The following DCC variants were observed in gnomAD, a reference collection of about 807,000 sequenced individuals.
The protein encoded by DCC is DCC netrin 1 receptor.
In DCC, 58 loss-of-function variants were observed where a neutral mutation model predicts 172.5. The observed-to-expected ratio is 0.34, with a 90% CI of 0.27 to 0.42. DCC has a LOEUF of 0.42. DCC is among the 10% of genes least tolerant of loss of function. The pLI is 1.00. For synonymous variants in DCC, 709 were observed against 644.5 expected, an observed-to-expected ratio of 1.10 and a Z score of -1.52; for missense variants, 1,740 against 1,791.0, an observed-to-expected ratio of 0.97 and a Z score of 0.51.
intron 11 of DCC, among the ~76,000 whole-genome samples, chr18:53,212,990 A>G (rs2055782199): frequency 1.3e-5 from 2 of 152,218 alleles, no homozygotes; most frequent in Non-Finnish European, 1.5e-5. Flanking sequence ...AATTCTTAAT[A>G]CAGAAAACAG....
intron 15 of DCC, among the ~76,000 whole-genome samples, chr18:53,344,891 A>G (rs2057705737): frequency 6.6e-6 from 1 of 151,032 alleles, no homozygotes; most frequent in African/African-American, 2.4e-5. Context: ...TCTTGGAAAA[A>G]AAAAAAAAAG....
At chr18:52,623,416 G>T (rs1340087372) in intron 1 of DCC, among the ~76,000 whole-genome samples, 1 of 152,166 alleles carries the variant, frequency 6.6e-6, no homozygotes, top group East Asian at 1.9e-4. Context: ...AGCTGGAAGA[G>T]GCAGGAGCTT....
intron 7 of DCC, among the ~76,000 whole-genome samples, chr18:53,143,418 C>G (rs1447597291): frequency 1.3e-5 from 2 of 152,192 alleles, no homozygotes; most frequent in Non-Finnish European, 2.9e-5. Flanking sequence ...CTCTTACAAT[C>G]TCCAGATTTC....
At chr18:52,672,035 T>A (rs1568033345) in intron 1 of DCC, among the ~76,000 whole-genome samples, 1 of 152,164 alleles carries the variant, frequency 6.6e-6, no homozygotes, top group Non-Finnish European at 1.5e-5. Context: ...CCAGACCACT[T>A]TGGCATAACC....
chr18:52,733,818 C>T (rs1285193192), intron 1 of DCC, among the ~76,000 whole-genome samples: 11 of 151,938 alleles, frequency 7.2e-5, no homozygotes, highest in East Asian at 1.9e-4. Flanking sequence ...TTATCCACAC[C>T]GAAAGAAGTT....
At chr18:52,630,655 T>G (rs1756490183) in intron 1 of DCC, among the ~76,000 whole-genome samples, 1 of 152,170 alleles carries the variant, frequency 6.6e-6, no homozygotes, top group Non-Finnish European at 1.5e-5. Context: ...GAGATTTTTT[T>G]TTTTTTACAA....
intron 5 of DCC, among the ~76,000 whole-genome samples, chr18:52,975,767 A>G (rs1377052936): frequency 6.6e-6 from 1 of 152,194 alleles, no homozygotes; most frequent in East Asian, 1.9e-4. Flanking sequence ...ATTGATGGAC[A>G]TTTAGGTTGA....
chr18:53,221,049 A>G (rs1368477401), intron 12 of DCC, among the ~76,000 whole-genome samples: 51 of 152,274 alleles, frequency 3.3e-4, no homozygotes, highest in Non-Finnish European at 5.9e-5. Flanking sequence ...TGTTTGGTCT[A>G]TAATTTGGGT....
At chr18:53,096,496 A>C (rs1051674069) in intron 7 of DCC, among the ~76,000 whole-genome samples, 2 of 152,180 alleles carry the variant, frequency 1.3e-5, no homozygotes, top group Non-Finnish European at 2.9e-5. Flanking sequence ...TTGAATTTGC[A>C]GTTGAATGGT....
At chr18:52,796,925 C>T (rs1285281316) in intron 2 of DCC, among the ~76,000 whole-genome samples, 1 of 151,866 alleles carries the variant, frequency 6.6e-6, no homozygotes, top group African/African-American at 2.4e-5. Context: ...CCCATCTCTT[C>T]TCCTTTGGGA....
chr18:53,317,953 T>G (rs1019384835), intron 13 of DCC, among the ~76,000 whole-genome samples: 14 of 152,198 alleles, frequency 9.2e-5, no homozygotes, highest in African/African-American at 3.4e-4. Context: ...TTGATTTTTT[T>G]GAAGGGTTTT....
At chr18:52,699,889 A>T (rs1017489756) in intron 1 of DCC, among the ~76,000 whole-genome samples, 1 of 152,154 alleles carries the variant, frequency 6.6e-6, no homozygotes, top group African/African-American at 2.4e-5. Context: ...CACCCATTTA[A>T]CATGTACAAT....
chr18:52,536,287 T>G (rs527676776), intron 1 of DCC, among the ~76,000 whole-genome samples: 2 of 152,212 alleles, frequency 1.3e-5, no homozygotes, highest in African/African-American at 4.8e-5. Flanking sequence ...CAAGAACCAC[T>G]TGGTCCTGAC....
At chr18:52,467,945 T>C (rs1988835502) in intron 1 of DCC, among the ~76,000 whole-genome samples, 1 of 152,344 alleles carries the variant, frequency 6.6e-6, no homozygotes, top group South Asian at 2.1e-4. Flanking sequence ...ATTCTGGATA[T>C]TTGTCCTTTG....
At chr18:53,353,495 CCTT>C (rs1408134439) in intron 15 of DCC, among the ~76,000 whole-genome samples, 13 of 151,552 alleles carry the variant, frequency 8.6e-5, no homozygotes, top group Non-Finnish European at 1.9e-4. Flanking sequence ...GCTCTTCAGT[CCTT>C]CTTGTTATTT....
chr18:53,022,544 CGTGTGT>C lies in DCC; in HGVS notation c.986-40740_986-40735del, dbSNP rs10686492. On this transcript the variant is annotated intron_variant, in intron 5 of 28. Transcript: ENST00000442544. ...TCAGTATTTTTTATATATATATGTGCGTGTGTGTGTGTGTGTGTGTGTGTGTATCAC... is the reference window on the plus strand; with the variant it reads ...TCAGTATTTTTTATATATATATGTGCGTGTGTGTGTGTGTGTGTGTATCAC... Among the ~76,000 whole-genome samples the C allele has an allele frequency of 1.6e-4, 14 of 85,562 alleles. No individual in the cohort carries two copies. The Admixed American group carries it at 1.7e-3, about 11-fold the overall frequency. 56.1% of individuals were successfully genotyped at this position (85,562 alleles called of 152,430 possible). A position where few individuals can be genotyped will look rare whatever the true frequency, so the allele number is the denominator to read the frequency against.
rs546689382 is a variant in DCC, at chr18:52,628,169, TAGA to T, written c.92-123884_92-123882del. Among the ~76,000 whole-genome samples, 357 of 152,320 alleles carry T rather than the reference TAGA, an allele frequency of 2.3e-3. 3 individuals carry two copies. Among genetic ancestry groups the T allele is most frequent in the African/African-American group, 8.2e-3 (340 of 41,558 alleles). Reference sequence around the variant, plus strand: ...CTTTTGCTGTGAATTTTTCCTAAATTAGAGCATTTCATGACCTTGAAAGACTTT... The same window carrying T: ...CTTTTGCTGTGAATTTTTCCTAAATTGCATTTCATGACCTTGAAAGACTTT... On this transcript the variant is annotated intron_variant, in intron 1 of 28. Transcript: ENST00000442544.
chr18:53,074,535 A>G (rs1386605640), intron 7 of DCC, among the ~76,000 whole-genome samples: 4 of 152,222 alleles, frequency 2.6e-5, no homozygotes, highest in African/African-American at 4.8e-5. Flanking sequence ...TAACTTCAGC[A>G]TATCTGATGG....
intron 13 of DCC, among the ~76,000 whole-genome samples, chr18:53,318,813 G>C (rs1166373574): frequency 6.9e-6 from 1 of 145,410 alleles, no homozygotes; most frequent in Non-Finnish European, 1.5e-5. Flanking sequence ...ATAATGGTCA[G>C]ATTCACCAAG....
Sources: gnomAD v4.1 joint callset for allele counts (sites outside exome capture counted in the v4.1 genomes callset) on GRCh38, gnomAD v4.1.1 for gene constraint, MANE v1.5 for transcripts, NCBI Gene and HGNC (gene_info 2026-07-23, HGNC 2026-07-21) for gene names.